Variants in CHCHD3 observed in about 807,000 individuals in gnomAD.
CHCHD3 encodes MICOS complex subunit MIC19.
Under a neutral mutation model 38.2 loss-of-function variants are expected in CHCHD3, and 20 were observed. The ratio of observed to expected loss-of-function variants is 0.52; its 90% CI spans 0.37 to 0.76. CHCHD3 has a LOEUF of 0.76. Ranked by LOEUF, CHCHD3 falls within the 30% of genes least tolerant of loss-of-function variation. The pLI, the probability that CHCHD3 is intolerant of heterozygous loss-of-function variation, is 0.00. For synonymous variants in CHCHD3, 82 were observed against 100.0 expected (o/e 0.82, Z 1.07); for missense variants, 245 against 279.2 (o/e 0.88, Z 0.87).
intron 2 of CHCHD3, among the ~76,000 whole-genome samples, chr7:133,047,274 T>G (rs1242035048): frequency 2.6e-5 from 4 of 151,948 alleles, no homozygotes; most frequent in African/African-American, 9.7e-5. Flanking sequence ...TAATCCCAAC[T>G]CTACAAAAAA....
chr7:133,012,048 T>G (rs1812891188), intron 3 of CHCHD3, among the ~76,000 whole-genome samples: 1 of 152,200 alleles, frequency 6.6e-6, no homozygotes, highest in Admixed American at 6.5e-5. Context: ...GATGTTACCC[T>G]CAACTTTCTG....
rs151328219 is a variant in CHCHD3 at position 132,915,985 on chromosome 7, G to A, written c.370-30240C>T. Among the ~76,000 whole-genome samples, 133 of 150,308 alleles carry A rather than the reference G, an allele frequency of 8.8e-4. 2 individuals carry two copies. In the South Asian group the frequency reaches 0.015, roughly 17 times the overall value. On this transcript the variant is annotated intron_variant, in intron 4 of 7. Coordinates refer to ENST00000262570, the MANE Select transcript of CHCHD3 (RefSeq NM_017812.4). ...TTTTTTTTTTGGTAAAGCAAAATGA[G>A]CATTGTTCTGGGATCACACACTGCA...
chr7:133,043,752 T>C (rs955441734), intron 2 of CHCHD3, among the ~76,000 whole-genome samples: 2 of 152,208 alleles, frequency 1.3e-5, no homozygotes, highest in African/African-American at 2.4e-5. Flanking sequence ...AACTTTTGTG[T>C]TTTATTTATG....
intron 4 of CHCHD3, among the ~76,000 whole-genome samples, chr7:132,918,206 G>A (rs1810165451): frequency 1.3e-5 from 2 of 152,198 alleles, no homozygotes; most frequent in African/African-American, 4.8e-5. Context: ...TGAGTTGGCT[G>A]CTGGCAGGGG....
intron 3 of CHCHD3, among the ~76,000 whole-genome samples, chr7:133,000,696 G>A (rs1348866498): frequency 1.3e-5 from 2 of 152,012 alleles, no homozygotes; most frequent in Non-Finnish European, 2.9e-5. Context: ...AAAAGAATCA[G>A]GCCGAATTAA....
chr7:132,887,041 T>C, intron 4 of CHCHD3: 1 of 991,592 alleles, frequency 1.0e-6, no homozygotes, highest in Non-Finnish European at 1.3e-6. Flanking sequence ...TAAGTACTGT[T>C]TTTTCCTAAT....
At chr7:132,987,712 C>T (rs1812157842) in intron 3 of CHCHD3, among the ~76,000 whole-genome samples, 1 of 152,064 alleles carries the variant, frequency 6.6e-6, no homozygotes, top group Non-Finnish European at 1.5e-5. Context: ...CTAAAGCAAA[C>T]AGTGGGAGGA....
At chr7:132,789,865 C>G (rs1259725940) in intron 7 of CHCHD3, among the ~76,000 whole-genome samples, 1 of 152,012 alleles carries the variant, frequency 6.6e-6, no homozygotes, top group East Asian at 1.9e-4. Context: ...TGTCCTGGCA[C>G]AGACCTGGTC....
At chr7:132,891,701 C>A (rs911757506) in intron 4 of CHCHD3, among the ~76,000 whole-genome samples, 2 of 152,222 alleles carry the variant, frequency 1.3e-5, no homozygotes, top group African/African-American at 4.8e-5. Context: ...TGTCTGCACC[C>A]AAATCTTATC....
At chr7:132,912,559 T>C (rs887408013) in intron 4 of CHCHD3, among the ~76,000 whole-genome samples, 2 of 149,606 alleles carry the variant, frequency 1.3e-5, no homozygotes, top group Non-Finnish European at 3.0e-5. Flanking sequence ...TAAGACAGGA[T>C]TTTTTTTTTC....
chr7:132,840,629 G>C (rs1402480545), intron 5 of CHCHD3, among the ~76,000 whole-genome samples: 1 of 152,094 alleles, frequency 6.6e-6, no homozygotes, highest in African/African-American at 2.4e-5. Context: ...AATCAAATAA[G>C]ATAGGCAAGA....
intron 4 of CHCHD3, among the ~76,000 whole-genome samples, chr7:132,909,501 C>CA (rs1809887669): frequency 6.6e-6 from 1 of 151,964 alleles, no homozygotes; most frequent in African/African-American, 2.4e-5. Flanking sequence ...AAAAAACAAA[C>CA]AAAAAACAAC....
intron 5 of CHCHD3, among the ~76,000 whole-genome samples, chr7:132,866,863 C>T (rs1808638907): frequency 6.6e-6 from 1 of 152,152 alleles, no homozygotes; most frequent in Non-Finnish European, 1.5e-5. Context: ...GGAGCCAATG[C>T]AAGAGATTTA....
Position 133,020,492 on chromosome 7 carries a change from A to C in CHCHD3, c.251+4054T>G, listed in dbSNP as rs1479130976. ...TAAAAAGGGCTTCTGCATTAAGTAGAAGGTAAAGTAAGACATTCAAGAAGT... is the reference window on the plus strand; with the variant it reads ...TAAAAAGGGCTTCTGCATTAAGTAGCAGGTAAAGTAAGACATTCAAGAAGT... On this transcript the variant is annotated intron_variant, in intron 3 of 7. Transcript: ENST00000262570. 2.0e-5 allele frequency among the ~76,000 whole-genome samples: 3 copies of C among 152,178 alleles called. No homozygotes were observed. In the East Asian group the frequency reaches 5.8e-4, roughly 29 times the overall value.
In CHCHD3 at chr7:132,955,003, A is replaced by G. The variant is rs115846456; in HGVS notation, c.369+20166T>C. 1.4e-3 allele frequency among the ~76,000 whole-genome samples: 215 copies of G among 152,276 alleles called. 1 individual carries two copies. Among genetic ancestry groups the G allele is most frequent in the African/African-American group, 5.0e-3 (208 of 41,556 alleles). On this transcript the variant is annotated intron_variant, in intron 4 of 7. Transcript: ENST00000262570. ...CTGAGCAAAAACATCAAGGAATTGC[A>G]AAGTGGGAAGCCATCAAAAACGGTA...
At chr7:133,069,314 CG>C (rs1175691504) in intron 2 of CHCHD3, among the ~76,000 whole-genome samples, 67 of 35,104 alleles carry the variant, frequency 1.9e-3, no homozygotes, top group Admixed American at 2.8e-3. Context: ...AGGGGCGGGG[CG>C]GGGGGGGTCA....
At chr7:132,867,007 AC>A in intron 5 of CHCHD3, among the ~76,000 whole-genome samples, 1 of 152,166 alleles carries the variant, frequency 6.6e-6, no homozygotes, top group Middle Eastern at 3.4e-3. Flanking sequence ...ACGCACACCT[AC>A]CCACCATACA....
chr7:132,908,527 G>A lies in CHCHD3; in HGVS notation c.370-22782C>T, dbSNP rs1426174227. 2.0e-5 allele frequency among the ~76,000 whole-genome samples: 3 copies of A among 152,226 alleles called. 1 individual carries two copies. The highest frequency in any genetic ancestry group is 6.8e-3 in the Middle Eastern group (2 of 294). ...TTCTTATAAGTATCCTTTCATATCT[G>A]AGGCCCTTGGTTTTTAAGGCATGGT... On this transcript the variant is annotated intron_variant, in intron 4 of 7. Transcript: ENST00000262570.
At chr7:132,928,121 A>G (rs898486837) in intron 4 of CHCHD3, among the ~76,000 whole-genome samples, 16 of 152,114 alleles carry the variant, frequency 1.1e-4, no homozygotes, top group Non-Finnish European at 2.4e-4. Flanking sequence ...AGGGAATCCC[A>G]TCTTCCTAGT....
Sources: gnomAD v4.1 joint callset for allele counts (sites outside exome capture counted in the v4.1 genomes callset) on GRCh38, gnomAD v4.1.1 for gene constraint, MANE v1.5 for transcripts, NCBI Gene and HGNC (gene_info 2026-07-23, HGNC 2026-07-21) for gene names.